Variants in TRAK1 observed in about 807,000 individuals in gnomAD.
The protein encoded by TRAK1 is trafficking kinesin protein 1.
Under a neutral mutation model 92.1 loss-of-function variants are expected in TRAK1, and 33 were observed. That is an observed-to-expected ratio of 0.36 (90% CI 0.27 to 0.48). TRAK1 has a LOEUF of 0.48. TRAK1 is among the 20% of genes least tolerant of loss of function. The probability of loss-of-function intolerance (pLI) is 0.99; values close to 1 mark genes in which losing one functional copy is unlikely to be tolerated. For synonymous variants in TRAK1, 521 were observed against 517.3 expected, an observed-to-expected ratio of 1.01 and a Z score of -0.10; for missense variants, 1,123 against 1,257.9, an observed-to-expected ratio of 0.89 and a Z score of 1.62.
At chr3:42,210,230 T>C in intron 14 of TRAK1, 1 of 1,532,156 alleles carries the variant, frequency 6.5e-7, no homozygotes, top group Non-Finnish European at 8.8e-7. Context: ...GTTCTCTGTC[T>C]GTAGCTTCCG....
At chr3:42,081,680 T>C (rs2148951798) in intron 1 of TRAK1, among the ~76,000 whole-genome samples, 1 of 152,234 alleles carries the variant, frequency 6.6e-6, no homozygotes, top group African/African-American at 2.4e-5. Flanking sequence ...TAAAGTAGGT[T>C]TGGAAATGCT....
At position 42,200,807 on chromosome 3, in the gene TRAK1, A is replaced by G. The variant is rs1707420283; in HGVS notation, c.1191-11A>G. The G allele has an allele frequency of 1.2e-6, 2 of 1,613,862 alleles. No individual in the cohort carries two copies. The highest frequency in any genetic ancestry group is 1.3e-5 in the African/African-American group (1 of 74,894). On this transcript the variant is annotated splice_polypyrimidine_tract_variant and intron_variant, in intron 11 of 15. Transcript: ENST00000327628. The stretch of plus-strand genomic sequence containing the variant: ...ATTTGCTCACTCACGGATGCCGTGC[A>G]TTCTCCCTAGTCACCAGAAGCGTGT...
At chr3:42,079,491 T>TTTC (rs1271739795) in intron 1 of TRAK1, among the ~76,000 whole-genome samples, 96 of 150,278 alleles carry the variant, frequency 6.4e-4, no homozygotes, top group African/African-American at 2.1e-3. Flanking sequence ...TTTTTTTTTT[T>TTTC]TTGTTTTGAG....
chr3:42,160,173 G>A, intron 2 of TRAK1: 1 of 1,313,880 alleles, frequency 7.6e-7, no homozygotes, highest in Non-Finnish European at 9.7e-7. Context: ...CTGCCCGGGT[G>A]ATGCTGGGCC....
chr3:42,165,582 G>C (rs1019987126), intron 2 of TRAK1, among the ~76,000 whole-genome samples: 3 of 152,188 alleles, frequency 2.0e-5, no homozygotes, highest in Non-Finnish European at 2.9e-5. Flanking sequence ...GATGCGTCAG[G>C]CTTTTGTGGG....
At chr3:42,023,827 C>T (rs1161937754) in intron 1 of TRAK1, among the ~76,000 whole-genome samples, 2 of 139,202 alleles carry the variant, frequency 1.4e-5, no homozygotes, top group Non-Finnish European at 3.0e-5. Flanking sequence ...AGTCTTGGCT[C>T]ACTGCAGCCT....
chr3:42,159,164 G>T (rs908068510), intron 2 of TRAK1, among the ~76,000 whole-genome samples: 19 of 152,172 alleles, frequency 1.2e-4, no homozygotes, highest in Admixed American at 3.9e-4. Flanking sequence ...CGGCCCTAAG[G>T]ATTCAAAGAC....
chr3:42,194,682 G>C, intron 9 of TRAK1, 122 bp from the exon 10 acceptor site: 1 of 1,214,672 alleles, frequency 8.2e-7, no homozygotes, highest in South Asian at 1.7e-5. Context: ...GCACAGGGCA[G>C]CTGGTTCCAC....
At chr3:42,112,392 C>CA (rs1418733594) in intron 1 of TRAK1, among the ~76,000 whole-genome samples, 23 of 149,254 alleles carry the variant, frequency 1.5e-4, no homozygotes, top group Non-Finnish European at 1.5e-4. Context: ...TGCACCACTG[C>CA]ACTCCAGCCT....
intron 1 of TRAK1, among the ~76,000 whole-genome samples, chr3:42,119,861 T>A (rs569326146): frequency 1.2e-3 from 182 of 152,292 alleles, no homozygotes; most frequent in Non-Finnish European, 2.1e-3. Context: ...AAACACTCAG[T>A]AGCCTCTCCT....
chr3:42,064,866 C>CA lies in TRAK1; in HGVS notation c.-518-22237dup, dbSNP rs1209256201. The stretch of plus-strand genomic sequence containing the variant: ...AGGAGATCAAGACCATCCTGGCTGA[C>CA]ACGGTGAAACCCTGTCTCTACTAAA... On this transcript the variant is annotated intron_variant, in intron 1 of 16. Coordinates refer to the TRAK1 transcript ENST00000487159. Among the ~76,000 whole-genome samples the CA allele has an allele frequency of 2.6e-5, 4 of 152,140 alleles. No individual in the cohort carries two copies. The East Asian group carries it at 7.7e-4, about 29-fold the overall frequency.
At chr3:42,059,912 T>C (rs1238699776) in intron 1 of TRAK1, among the ~76,000 whole-genome samples, 1 of 151,640 alleles carries the variant, frequency 6.6e-6, no homozygotes, top group Non-Finnish European at 1.5e-5. Context: ...AGTAATATAC[T>C]TAGTGTGGAC....
At chr3:42,215,805 G>A (rs1461741359) in intron 14 of TRAK1, among the ~76,000 whole-genome samples, 2 of 152,186 alleles carry the variant, frequency 1.3e-5, no homozygotes, top group African/African-American at 2.4e-5. Context: ...GGCATGGCCA[G>A]TGTTTCTCCG....
chr3:42,025,576 T>C (rs1701882728), intron 1 of TRAK1, among the ~76,000 whole-genome samples: 1 of 151,970 alleles, frequency 6.6e-6, no homozygotes, highest in Non-Finnish European at 1.5e-5. Context: ...AGAATGTGTC[T>C]GTTCAAAGGA....
At chr3:42,084,186 A>G (rs1240235703), upstream of TRAK1, among the ~76,000 whole-genome samples, 1 of 151,720 alleles carries the variant, frequency 6.6e-6, no homozygotes, top group Admixed American at 6.6e-5. Context: ...TTTTTCTGGA[A>G]CTCTCATCAG....
At chr3:42,127,368 G>A (rs1710718764) in intron 2 of TRAK1, among the ~76,000 whole-genome samples, 1 of 116,382 alleles carries the variant, frequency 8.6e-6, no homozygotes, top group South Asian at 2.7e-4. Flanking sequence ...TTTTTTTTTG[G>A]TTGAGACAGG....
chr3:42,061,369 A>G lies in TRAK1; in HGVS notation c.-518-25735A>G, dbSNP rs1217396523. Among the ~76,000 whole-genome samples the G allele has an allele frequency of 4.7e-5, 6 of 128,898 alleles. No homozygotes were observed. In the East Asian group the frequency reaches 1.1e-3, roughly 23 times the overall value. The allele number at this position is 128,898 out of a possible 152,430, so 84.6% of individuals were successfully genotyped here. On this transcript the variant is annotated intron_variant, in intron 1 of 16. Transcript: ENST00000487159. ...CCCCCACGCACACCCACACACACAC[A>G]CACAGTGCCAGGGAGGCAGCCCTGT...
rs956752995 is a variant in TRAK1 at position 42,203,368 on chromosome 3, G to A, written c.1744+616G>A. Reference sequence around the variant, plus strand: ...AAGGGGTGGCTGTGGAGACAAGTGAGTTTTGTACCTCCGTAAGCCACCCTT... The same window carrying A: ...AAGGGGTGGCTGTGGAGACAAGTGAATTTTGTACCTCCGTAAGCCACCCTT... On this transcript the variant is annotated intron_variant, in intron 13 of 15. Coordinates refer to ENST00000327628, the MANE Select transcript of TRAK1 (RefSeq NM_001042646.3). 9.1e-6 allele frequency: 9 copies of A among 986,170 alleles called. No individual in the cohort carries two copies. In the East Asian group the frequency reaches 7.9e-4, roughly 87 times the overall value. 61.1% of individuals were successfully genotyped at this position (986,170 alleles called of 1,614,324 possible).
chr3:42,196,131 A>G (rs1706590022), intron 10 of TRAK1, among the ~76,000 whole-genome samples: 1 of 152,244 alleles, frequency 6.6e-6, no homozygotes, highest in South Asian at 2.1e-4. Context: ...TTGCTGAGGT[A>G]AAGTTTTTGT....
Sources: gnomAD v4.1 joint callset for allele counts (sites outside exome capture counted in the v4.1 genomes callset) on GRCh38, gnomAD v4.1.1 for gene constraint, MANE v1.5 for transcripts, NCBI Gene and HGNC (gene_info 2026-07-23, HGNC 2026-07-21) for gene names.